ZBTB20: variants seen among roughly 807,000 people sequenced by gnomAD.
ZBTB20 encodes zinc finger and BTB domain containing 20.
In ZBTB20, 9 loss-of-function variants were observed where a neutral mutation model predicts 56.9. That is an observed-to-expected ratio of 0.16 (90% CI 0.10 to 0.28). The LOEUF (loss-of-function observed/expected upper bound fraction) is 0.28, where lower values mean the gene tolerates loss of function less well. ZBTB20 is among the 10% of genes least tolerant of loss of function. ZBTB20 has a pLI of 1.00. For missense variants in ZBTB20, 655 were observed against 1,003.0 expected, an observed-to-expected ratio of 0.65 and a Z score of 4.69; for synonymous variants, 417 against 420.7, an observed-to-expected ratio of 0.99 and a Z score of 0.11.
intron 6 of ZBTB20, among the ~76,000 whole-genome samples, chr3:114,676,138 C>T (rs536969560): frequency 6.6e-6 from 1 of 152,182 alleles, no homozygotes; most frequent in East Asian, 1.9e-4. Flanking sequence ...AAGGCCCCAT[C>T]TTCCTTACTT....
chr3:114,933,659 G>A (rs2107815420), intron 3 of ZBTB20, among the ~76,000 whole-genome samples: 1 of 151,938 alleles, frequency 6.6e-6, no homozygotes, highest in East Asian at 1.9e-4. Flanking sequence ...CCAGCTATCT[G>A]CTTTCTCCAC....
chr3:114,443,286 G>A lies in ZBTB20; in HGVS notation c.-254-54181C>T, dbSNP rs78012243. Among the ~76,000 whole-genome samples, 550 of 152,262 alleles carry A rather than the reference G, an allele frequency of 3.6e-3. 3 individuals are homozygous for A. The highest frequency in any genetic ancestry group is 0.012 in the African/African-American group (517 of 41,580). Reference sequence around the variant, plus strand: ...TCTTGACCTGCTCTCCAAAGTGAAAGTTTCTAGTTTAGGCTACAGACAGAG... The same window carrying A: ...TCTTGACCTGCTCTCCAAAGTGAAAATTTCTAGTTTAGGCTACAGACAGAG... On this transcript the variant is annotated intron_variant, in intron 7 of 11. Transcript: ENST00000675478.
chr3:114,498,421 GATA>G (rs2043540347), intron 7 of ZBTB20, among the ~76,000 whole-genome samples: 1 of 152,194 alleles, frequency 6.6e-6, no homozygotes, highest in Non-Finnish European at 1.5e-5. Flanking sequence ...GCACTGGGGA[GATA>G]ATGTTCTGAT....
At chr3:115,068,711 A>G (rs993459869) in intron 2 of ZBTB20, among the ~76,000 whole-genome samples, 5 of 152,160 alleles carry the variant, frequency 3.3e-5, no homozygotes, top group Admixed American at 2.6e-4. Flanking sequence ...AGTGATACTT[A>G]TAATATTTAA....
At chr3:114,983,117 C>T (rs940651622) in intron 2 of ZBTB20, among the ~76,000 whole-genome samples, 1 of 151,798 alleles carries the variant, frequency 6.6e-6, no homozygotes, top group Non-Finnish European at 1.5e-5. Context: ...CCAAATAATG[C>T]AGAAATTATA....
At chr3:114,962,581 A>T (rs956773597) in intron 3 of ZBTB20, among the ~76,000 whole-genome samples, 1 of 152,130 alleles carries the variant, frequency 6.6e-6, no homozygotes, top group African/African-American at 2.4e-5. Flanking sequence ...TAAAAGCTTA[A>T]CAGTCGATCT....
chr3:114,349,709 A>T (rs909313511), intron 11 of ZBTB20, among the ~76,000 whole-genome samples: 1 of 152,204 alleles, frequency 6.6e-6, no homozygotes, highest in African/African-American at 2.4e-5. Context: ...CCATCTTAAT[A>T]ATAGCTACCA....
intron 7 of ZBTB20, among the ~76,000 whole-genome samples, chr3:114,400,093 G>T (rs1203781997): frequency 6.6e-6 from 1 of 152,098 alleles, no homozygotes; most frequent in Admixed American, 6.6e-5. Context: ...TGCCATGGTT[G>T]TCAACAAGCT....
intron 7 of ZBTB20, among the ~76,000 whole-genome samples, chr3:114,454,205 A>AGAGAGAGAGAGAGAGAGAGG (rs1310978198): frequency 6.7e-6 from 1 of 150,016 alleles, no homozygotes; most frequent in African/African-American, 2.4e-5. Flanking sequence ...AGAGAGAGAG[A>AGAGAGAGAGAGAGAGAGAGG]GAGAGAAATT....
At chr3:114,839,768 G>C (rs2074304656) in intron 4 of ZBTB20, among the ~76,000 whole-genome samples, 1 of 152,202 alleles carries the variant, frequency 6.6e-6, no homozygotes, top group Admixed American at 6.5e-5. Flanking sequence ...AGAAGACAGA[G>C]AGAGCAGAAG....
chr3:114,764,371 C>T (rs1187208004), intron 5 of ZBTB20, among the ~76,000 whole-genome samples: 14 of 152,096 alleles, frequency 9.2e-5, no homozygotes, highest in African/African-American at 2.7e-4. Flanking sequence ...TCGATTCAGC[C>T]GTGGCTGCCA....
At chr3:114,434,828 G>A (rs2090402560) in intron 7 of ZBTB20, among the ~76,000 whole-genome samples, 2 of 152,080 alleles carry the variant, frequency 1.3e-5, no homozygotes, top group Admixed American at 1.3e-4. Flanking sequence ...CCGAGATTCA[G>A]GCGCATGGAA....
chr3:115,099,919 T>C (rs2083517988), intron 1 of ZBTB20, among the ~76,000 whole-genome samples: 1 of 152,054 alleles, frequency 6.6e-6, no homozygotes, highest in African/African-American at 2.4e-5. Context: ...GAAAAATAGA[T>C]TTGTTTGTAA....
At chr3:114,950,699 C>T (rs927758415) in intron 3 of ZBTB20, among the ~76,000 whole-genome samples, 6 of 152,022 alleles carry the variant, frequency 3.9e-5, no homozygotes, top group Non-Finnish European at 8.8e-5. Context: ...ATATGTAAAA[C>T]AAGACATGTA....
At chr3:114,609,319 C>A (rs1328730711) in intron 6 of ZBTB20, among the ~76,000 whole-genome samples, 4 of 152,158 alleles carry the variant, frequency 2.6e-5, no homozygotes, top group Non-Finnish European at 4.4e-5. Flanking sequence ...ATCTTACAAG[C>A]ATGAGATGGA....
intron 5 of ZBTB20, chr3:114,743,732 G>A (rs2066802822): frequency 6.5e-6 from 1 of 153,574 alleles, no homozygotes; most frequent in Non-Finnish European, 1.5e-5. Flanking sequence ...AAATAATTCT[G>A]ACCACCTCCA....
chr3:114,388,127 T>C (rs1200037580), intron 8 of ZBTB20: 1 of 152,242 alleles, frequency 6.6e-6, no homozygotes, highest in East Asian at 1.9e-4. Flanking sequence ...TAGAAGTCTG[T>C]AAAACACCAT....
At chr3:114,487,829 C>A (rs761159721) in intron 7 of ZBTB20, among the ~76,000 whole-genome samples, 45 of 152,188 alleles carry the variant, frequency 3.0e-4, no homozygotes, top group Non-Finnish European at 5.9e-4. Flanking sequence ...ACATGGGAAT[C>A]AGAGAGCGGG....
chr3:114,892,001 C>T (rs1017578526), intron 4 of ZBTB20, among the ~76,000 whole-genome samples: 4 of 151,908 alleles, frequency 2.6e-5, no homozygotes, highest in African/African-American at 9.7e-5. Flanking sequence ...GAGCCGTGAT[C>T]GCGCCTCTGC....
Sources: gnomAD v4.1 joint callset for allele counts (sites outside exome capture counted in the v4.1 genomes callset) on GRCh38, gnomAD v4.1.1 for gene constraint, MANE v1.5 for transcripts, NCBI Gene and HGNC (gene_info 2026-07-23, HGNC 2026-07-21) for gene names.